Variants in SPTBN4 observed in about 807,000 individuals in gnomAD.
The protein encoded by SPTBN4 is spectrin beta, non-erythrocytic 4, also known as spectrin beta chain, non-erythrocytic 4.
Under a neutral mutation model 277.8 loss-of-function variants are expected in SPTBN4, and 96 were observed. The observed-to-expected ratio is 0.35, with a 90% CI of 0.29 to 0.41. The LOEUF (loss-of-function observed/expected upper bound fraction) is 0.41, where lower values mean the gene tolerates loss of function less well. Ranked by LOEUF, SPTBN4 falls within the 10% of genes least tolerant of loss-of-function variation. The pLI, the probability that SPTBN4 is intolerant of heterozygous loss-of-function variation, is 1.00. For missense variants in SPTBN4, 3,006 were observed against 3,595.7 expected (o/e 0.84, Z 4.19); for synonymous variants, 1,481 against 1,580.3 (o/e 0.94, Z 1.49).
chr19:40,487,895 A>C, intron 3 of SPTBN4, 47 bp downstream of exon 3: 1 of 1,520,734 alleles, frequency 6.6e-7, no homozygotes, highest in Non-Finnish European at 8.8e-7. Flanking sequence ...CTGGGGTCTC[A>C]GGCTGGGGGT....
At chr19:40,484,685 T>C (rs2145818734) in intron 2 of SPTBN4, among the ~76,000 whole-genome samples, 1 of 152,024 alleles carries the variant, frequency 6.6e-6, no homozygotes, top group Admixed American at 6.6e-5. Flanking sequence ...CCTAGCACTT[T>C]GGGAGGCCAA....
intron 20 of SPTBN4, among the ~76,000 whole-genome samples, chr19:40,544,127 C>CT (rs10618096): frequency 3.2e-3 from 406 of 128,860 alleles, no homozygotes; most frequent in East Asian, 7.2e-3. Flanking sequence ...TCTTCTTCCT[C>CT]TTTTTTTTTT....
At chr19:40,546,576 C>T (rs1448491577) in intron 20 of SPTBN4, among the ~76,000 whole-genome samples, 1 of 152,132 alleles carries the variant, frequency 6.6e-6, no homozygotes, top group East Asian at 1.9e-4. Context: ...AGTGCAGTGG[C>T]TCACACCTGT....
chr19:40,574,367 T>C (rs2081181805), intron 35 of SPTBN4, among the ~76,000 whole-genome samples: 1 of 147,874 alleles, frequency 6.8e-6, no homozygotes, highest in Non-Finnish European at 1.5e-5. Context: ...GAAGTGGGCT[T>C]TTTTTTTTTT....
At chr19:40,477,249 A>G (rs1187596862) in intron 2 of SPTBN4, among the ~76,000 whole-genome samples, 1 of 151,510 alleles carries the variant, frequency 6.6e-6, no homozygotes, top group African/African-American at 2.4e-5. Context: ...GGGTCTCGCA[A>G]TATTTTCCAG....
intron 18 of SPTBN4, among the ~76,000 whole-genome samples, chr19:40,531,260 C>T (rs1055897475): frequency 3.9e-5 from 6 of 152,034 alleles, no homozygotes; most frequent in African/African-American, 1.2e-4. Flanking sequence ...CCCTGCACGT[C>T]GGGAACCTGT....
At position 40,523,646 on chromosome 19, in the gene SPTBN4, C is replaced by T. The variant is rs2080555478; in HGVS notation, c.3857+7C>T. 6.3e-7 allele frequency: 1 copy of T among 1,599,632 alleles called. No homozygotes were observed. The highest frequency in any genetic ancestry group is 8.5e-7 in the Non-Finnish European group (1 of 1,170,532). On this transcript the variant is annotated splice_region_variant and intron_variant, in intron 17 of 35. Coordinates refer to ENST00000598249, the MANE Select transcript of SPTBN4 (RefSeq NM_020971.3). ...TGACCCGGCTGCTGGAGAAGTAGGT[C>T]CCCTAGACCCATCCACCCCAGGGAG...
chr19:40,527,344 C>T (rs560215860), intron 17 of SPTBN4, among the ~76,000 whole-genome samples: 59 of 152,118 alleles, frequency 3.9e-4, no homozygotes, highest in Non-Finnish European at 6.8e-4. Context: ...AAATATAAGT[C>T]GAGCGTGTAC....
At chr19:40,565,247 A>G (rs950205407) in intron 27 of SPTBN4, among the ~76,000 whole-genome samples, 176 bp from the exon 28 acceptor site, 1 of 151,464 alleles carries the variant, frequency 6.6e-6, no homozygotes, top group African/African-American at 2.4e-5. Flanking sequence ...CCTGGGCCAT[A>G]GGGTGAGACT....
rs562140429 is a variant in SPTBN4, at chr19:40,467,623, C to CGG, written c.-16+330_-16+331dup. Among the ~76,000 whole-genome samples, 107 of 104,892 alleles carry CGG rather than the reference C, an allele frequency of 1.0e-3. 4 individuals are homozygous for CGG. The highest frequency in any genetic ancestry group is 4.1e-3 in the East Asian group (12 of 2,916). 68.8% of individuals were successfully genotyped at this position (104,892 alleles called of 152,430 possible). ...CAGCCCAGCGCCCCACCAGCCTTTG[C>CGG]GGGGGGGGGGGGGTGTTGGGGGGAG... On this transcript the variant is annotated intron_variant, in intron 1 of 35. Transcript: ENST00000598249.
intron 27 of SPTBN4, among the ~76,000 whole-genome samples, chr19:40,561,754 G>A (rs1169391119): frequency 6.6e-6 from 1 of 151,636 alleles, no homozygotes; most frequent in African/African-American, 2.4e-5. Context: ...CCCGGGAGGT[G>A]GAGGTCACAG....
At chr19:40,472,884 C>T in intron 2 of SPTBN4, 94 bp downstream of exon 2, 1 of 1,262,482 alleles carries the variant, frequency 7.9e-7, no homozygotes, top group Non-Finnish European at 1.1e-6. Context: ...GAAAAGAGAC[C>T]AGCACTGTCC....
At chr19:40,522,093 C>T (rs559617164) in intron 16 of SPTBN4, among the ~76,000 whole-genome samples, 1 of 152,220 alleles carries the variant, frequency 6.6e-6, no homozygotes, top group Non-Finnish European at 1.5e-5. Context: ...GTGGCACGAT[C>T]ATGACTCACT....
intron 27 of SPTBN4, among the ~76,000 whole-genome samples, chr19:40,562,848 T>A (rs940801933): frequency 1.3e-5 from 2 of 150,020 alleles, no homozygotes; most frequent in Admixed American, 1.3e-4. Flanking sequence ...AAAAAAAAAA[T>A]TAAATATACA....
At chr19:40,529,510 C>T (rs1444769291) in intron 18 of SPTBN4, among the ~76,000 whole-genome samples, 2 of 152,208 alleles carry the variant, frequency 1.3e-5, no homozygotes, top group Non-Finnish European at 2.9e-5. Flanking sequence ...GGGCCAGCGG[C>T]CCTGCGCCCT....
intron 26 of SPTBN4, among the ~76,000 whole-genome samples, chr19:40,558,715 C>T (rs1322597305): frequency 6.6e-6 from 1 of 151,654 alleles, no homozygotes; most frequent in Non-Finnish European, 1.5e-5. Flanking sequence ...TTAAGCGATT[C>T]TCCTGCCTCA....
At chr19:40,507,040 A>T (rs2080338415) in intron 13 of SPTBN4, among the ~76,000 whole-genome samples, 1 of 152,170 alleles carries the variant, frequency 6.6e-6, no homozygotes, top group Admixed American at 6.6e-5. Flanking sequence ...CCTATTTAAC[A>T]CAAGTGATAG....
At chr19:40,492,940 A>G (rs2080155234) in intron 4 of SPTBN4, 23 bp from the exon 5 acceptor site, 1 of 1,609,950 alleles carries the variant, frequency 6.2e-7, no homozygotes, top group African/African-American at 1.3e-5. Flanking sequence ...AGGCCCTGGT[A>G]GCCATTTTTT....
At chr19:40,550,449 C>A in intron 22 of SPTBN4, 122 bp downstream of exon 22, 1 of 818,932 alleles carries the variant, frequency 1.2e-6, no homozygotes, top group Non-Finnish European at 2.0e-6. Context: ...AGACTGTGGA[C>A]AGCAGATACA....
Sources: gnomAD v4.1 joint callset for allele counts (sites outside exome capture counted in the v4.1 genomes callset) on GRCh38, gnomAD v4.1.1 for gene constraint, MANE v1.5 for transcripts, NCBI Gene and HGNC (gene_info 2026-07-23, HGNC 2026-07-21) for gene names.